Variants in TBC1D5 observed in about 807,000 individuals in gnomAD.
The protein encoded by TBC1D5 is TBC1 domain family member 5, also known as TBC1 domain family, member 5.
TBC1D5 carries 75 observed loss-of-function variants against 100.3 expected under a neutral mutation model. The observed-to-expected ratio is 0.75, with a 90% CI of 0.62 to 0.91. The LOEUF (loss-of-function observed/expected upper bound fraction) is 0.91, where lower values mean the gene tolerates loss of function less well. TBC1D5 is among the 40% of genes least tolerant of loss of function. TBC1D5 has a pLI of 0.00. For missense variants in TBC1D5, 910 were observed against 942.4 expected (o/e 0.97, Z 0.45); for synonymous variants, 323 against 325.6 (o/e 0.99, Z 0.09).
At chr3:17,242,237 C>G (rs1290313383) in intron 16 of TBC1D5, among the ~76,000 whole-genome samples, 1 of 152,100 alleles carries the variant, frequency 6.6e-6, no homozygotes, top group Non-Finnish European at 1.5e-5. Context: ...AAACCATTAT[C>G]ACATTATCAC....
At chr3:17,736,467 T>C (rs1341829491) in intron 1 of TBC1D5, among the ~76,000 whole-genome samples, 1 of 152,164 alleles carries the variant, frequency 6.6e-6, no homozygotes, top group Non-Finnish European at 1.5e-5. Context: ...TAGACTCTTG[T>C]TCCTCATGGA....
chr3:17,741,949 T>C (rs1248227223), upstream of TBC1D5, among the ~76,000 whole-genome samples: 2 of 151,882 alleles, frequency 1.3e-5, no homozygotes, highest in African/African-American at 2.4e-5. Flanking sequence ...CTAAAGACTA[T>C]TAAGGTTTGA....
intron 16 of TBC1D5, among the ~76,000 whole-genome samples, chr3:17,242,984 T>A (rs1195339089): frequency 6.6e-6 from 1 of 152,116 alleles, no homozygotes; most frequent in East Asian, 1.9e-4. Flanking sequence ...TCAGTACCTG[T>A]GGAAATAATA....
intron 17 of TBC1D5, among the ~76,000 whole-genome samples, chr3:17,230,235 C>T (rs1353421209): frequency 1.3e-5 from 2 of 152,120 alleles, no homozygotes; most frequent in Non-Finnish European, 2.9e-5. Context: ...CATCCCTCTC[C>T]TTGTTCTACC....
intron 17 of TBC1D5, among the ~76,000 whole-genome samples, chr3:17,227,376 A>G (rs1229382050): frequency 6.6e-6 from 1 of 152,190 alleles, no homozygotes; most frequent in East Asian, 1.9e-4. Context: ...TATCAATATC[A>G]AAGTAAAAGG....
intron 3 of TBC1D5, among the ~76,000 whole-genome samples, chr3:17,500,670 G>T (rs1033149185): frequency 1.3e-5 from 2 of 149,582 alleles, no homozygotes; most frequent in Non-Finnish European, 2.9e-5. Context: ...TCTCATATCT[G>T]TGGCTTCTAT....
intron 18 of TBC1D5, among the ~76,000 whole-genome samples, chr3:17,209,150 T>A (rs1038472179): frequency 1.3e-5 from 2 of 152,194 alleles, no homozygotes; most frequent in Non-Finnish European, 2.9e-5. Context: ...TATCTATGTA[T>A]CTATCTAGTC....
chr3:17,547,801 A>G (rs1464918007), intron 2 of TBC1D5, among the ~76,000 whole-genome samples: 7 of 152,196 alleles, frequency 4.6e-5, no homozygotes. Flanking sequence ...AATTCTGTTT[A>G]TTGCAGTATG....
At chr3:17,726,737 A>G (rs2076159529) in intron 1 of TBC1D5, among the ~76,000 whole-genome samples, 1 of 152,114 alleles carries the variant, frequency 6.6e-6, no homozygotes, top group African/African-American at 2.4e-5. Flanking sequence ...TTTTTAATAT[A>G]TTTTATCCTG....
intron 3 of TBC1D5, among the ~76,000 whole-genome samples, chr3:17,485,446 T>C (rs1159943106): frequency 2.0e-5 from 3 of 151,406 alleles, no homozygotes; most frequent in Non-Finnish European, 2.9e-5. Flanking sequence ...AACTCGTCAT[T>C]TAGCATTAGG....
Position 17,517,245 on chromosome 3 carries a change from CT to C in TBC1D5, c.-35-8641del, listed in dbSNP as rs552830284. Among the ~76,000 whole-genome samples the C allele has an allele frequency of 2.4e-4, 37 of 152,336 alleles. 1 individual carries two copies. The South Asian group carries it at 7.7e-3, about 32-fold the overall frequency. ...CATGAAATCTGTGTATTTTACTCAACTTCTGAACTACGCTTTTTTAGCAAGA... is the reference window on the plus strand; with the variant it reads ...CATGAAATCTGTGTATTTTACTCAACTCTGAACTACGCTTTTTTAGCAAGA... On this transcript the variant is annotated intron_variant, in intron 2 of 21. Transcript: ENST00000253692.
chr3:17,365,891 T>C (rs2092090751), intron 13 of TBC1D5, among the ~76,000 whole-genome samples: 1 of 152,220 alleles, frequency 6.6e-6, no homozygotes, highest in African/African-American at 2.4e-5. Flanking sequence ...CTCAGCTTCT[T>C]GGTAACTATT....
chr3:17,535,503 C>T (rs939468627), intron 2 of TBC1D5, among the ~76,000 whole-genome samples: 7 of 152,130 alleles, frequency 4.6e-5, no homozygotes, highest in Admixed American at 2.6e-4. Flanking sequence ...ATGTGTGCTG[C>T]GATAGTTAAG....
At chr3:17,464,984 G>A (rs2095278315) in intron 3 of TBC1D5, among the ~76,000 whole-genome samples, 1 of 151,864 alleles carries the variant, frequency 6.6e-6, no homozygotes, top group Non-Finnish European at 1.5e-5. Context: ...AGCCTCTGGT[G>A]GCCACAGCAA....
chr3:17,179,335 A>G (rs958981773), intron 19 of TBC1D5, among the ~76,000 whole-genome samples: 1 of 152,214 alleles, frequency 6.6e-6, no homozygotes, highest in Non-Finnish European at 1.5e-5. Context: ...AACATTTCCA[A>G]AGATATTCAT....
chr3:17,452,169 C>A (rs139379352), intron 3 of TBC1D5, among the ~76,000 whole-genome samples: 1 of 150,328 alleles, frequency 6.7e-6, no homozygotes, highest in African/African-American at 2.5e-5. Flanking sequence ...AATGGATACA[C>A]AAAAAAATAA....
intron 15 of TBC1D5, among the ~76,000 whole-genome samples, chr3:17,269,337 C>CT (rs1201804246): frequency 6.6e-6 from 1 of 152,096 alleles, no homozygotes; most frequent in African/African-American, 2.4e-5. Context: ...GCTAACTCCT[C>CT]TGAGAGGGTT....
intron 2 of TBC1D5, chr3:17,586,360 G>A (rs974855848): frequency 6.6e-6 from 1 of 152,062 alleles, no homozygotes; most frequent in Non-Finnish European, 1.5e-5. Context: ...TACCTTGTGG[G>A]AGAACTTTAC....
intron 1 of TBC1D5, among the ~76,000 whole-genome samples, chr3:17,635,303 G>A (rs1195624234): frequency 6.6e-6 from 1 of 152,170 alleles, no homozygotes; most frequent in African/African-American, 2.4e-5. Flanking sequence ...CTGAAGTTCA[G>A]GTAAGAGAGG....
Sources: allele counts gnomAD v4.1 joint callset (sites outside exome capture counted in the v4.1 genomes callset), GRCh38; gene constraint gnomAD v4.1.1; transcripts MANE v1.5; gene names NCBI Gene and HGNC (gene_info 2026-07-23, HGNC 2026-07-21).